Variants in LRRC20 observed in about 807,000 individuals in gnomAD.
LRRC20 encodes the protein leucine-rich repeat-containing protein 20.
In LRRC20, 11 loss-of-function variants were observed where a neutral mutation model predicts 14.4. That is an observed-to-expected ratio of 0.77 (90% CI 0.48 to 1.27). LRRC20 has a LOEUF of 1.27. LRRC20 is among the 50% of genes most tolerant of loss of function. LRRC20 has a pLI of 0.00. For missense variants in LRRC20, 219 were observed against 251.2 expected, an observed-to-expected ratio of 0.87 and a Z score of 0.87; for synonymous variants, 121 against 107.3, an observed-to-expected ratio of 1.13 and a Z score of -0.79.
Position 70,301,302 on chromosome 10 carries a change from G to T in LRRC20, c.*52C>A. 1 of 1,578,154 alleles carries T rather than the reference G, an allele frequency of 6.3e-7. No homozygotes were observed. The highest frequency in any genetic ancestry group is 2.2e-5 in the East Asian group (1 of 44,532). On this transcript the variant is annotated 3_prime_UTR_variant, in exon 5 of 5. Transcript: ENST00000446961. ...CCCATGGGCCTCCCTCCCTTCCAGG[G>T]TTCCAGGCCTGTGGCCTCTGCCCCT...
At chr10:70,321,290 A>T (rs1842067343) in intron 4 of LRRC20, among the ~76,000 whole-genome samples, 1 of 152,170 alleles carries the variant, frequency 6.6e-6, no homozygotes, top group Non-Finnish European at 1.5e-5. Context: ...CTATTTCCAT[A>T]ATGGAAGACT....
chr10:70,307,367 T>C (rs769748599), intron 4 of LRRC20, among the ~76,000 whole-genome samples: 12 of 152,220 alleles, frequency 7.9e-5, no homozygotes, highest in Non-Finnish European at 1.8e-4. Flanking sequence ...GCAAGACTGA[T>C]TGCTCTGTCA....
intron 1 of LRRC20, among the ~76,000 whole-genome samples, chr10:70,378,830 C>T (rs145060171): frequency 0.037 from 5,365 of 146,578 alleles, 147 homozygotes; most frequent in Non-Finnish European, 0.051. Context: ...CCTGTAATCC[C>T]AGCTACTCAG....
chr10:70,329,561 CTT>C (rs375932907), intron 3 of LRRC20, among the ~76,000 whole-genome samples: 3 of 124,870 alleles, frequency 2.4e-5, no homozygotes, highest in African/African-American at 3.0e-5. Flanking sequence ...CTTCTTTTGC[CTT>C]TTTTTTTTTT....
intron 2 of LRRC20, among the ~76,000 whole-genome samples, chr10:70,363,213 G>A (rs1471494893): frequency 1.4e-5 from 2 of 146,034 alleles, no homozygotes; most frequent in Admixed American, 6.9e-5. Context: ...AAGAGTTTGA[G>A]CCACTGCACT....
At chr10:70,347,081 T>C (rs2137043615) in intron 2 of LRRC20, among the ~76,000 whole-genome samples, 1 of 152,302 alleles carries the variant, frequency 6.6e-6, no homozygotes, top group African/African-American at 2.4e-5. Context: ...AGACAGTGTT[T>C]CACCATGCTG....
chr10:70,302,713 CTT>C (rs766170383), intron 4 of LRRC20, among the ~76,000 whole-genome samples: 24 of 140,066 alleles, frequency 1.7e-4, no homozygotes, highest in Admixed American at 1.4e-4. Flanking sequence ...GTCTCTATTT[CTT>C]TTTTTTTTTT....
chr10:70,330,519 A>C (rs1842498850), intron 3 of LRRC20, among the ~76,000 whole-genome samples: 2 of 152,188 alleles, frequency 1.3e-5, no homozygotes, highest in South Asian at 4.1e-4. Flanking sequence ...CACCCCTGTC[A>C]GTCACCCACT....
intron 2 of LRRC20, among the ~76,000 whole-genome samples, chr10:70,345,549 A>G (rs143800019): frequency 1.3e-5 from 2 of 152,302 alleles, no homozygotes; most frequent in East Asian, 3.9e-4. Context: ...ATGCATACAG[A>G]GTCATCTTTA....
rs977955575 is a variant in LRRC20 at position 70,301,329 on chromosome 10, G to A, written c.*25C>T. 6.2e-7 allele frequency: 1 copy of A among 1,601,426 alleles called. No homozygotes were observed. Among genetic ancestry groups the A allele is most frequent in the East Asian group, 2.2e-5 (1 of 44,740 alleles). On this transcript the variant is annotated 3_prime_UTR_variant, in exon 5 of 5. Transcript: ENST00000446961. ...TCCAGGCCTGTGGCCTCTGCCCCTT[G>A]CTGGGTGGGCATGAGGAGGGTGGCC...
chr10:70,367,501 T>C (rs1453927865), intron 2 of LRRC20, among the ~76,000 whole-genome samples: 1 of 152,124 alleles, frequency 6.6e-6, no homozygotes, highest in African/African-American at 2.4e-5. Context: ...ACCCACACCA[T>C]GTAAAGCTGT....
intron 3 of LRRC20, 47 bp downstream of exon 3, chr10:70,340,506 G>A (rs373484438): frequency 5.5e-5 from 88 of 1,610,748 alleles, no homozygotes; most frequent in Non-Finnish European, 6.5e-5. Flanking sequence ...GAGCCTGAAC[G>A]ATGAGAGCTG....
At chr10:70,303,702 G>A (rs1841298734) in intron 4 of LRRC20, among the ~76,000 whole-genome samples, 1 of 152,094 alleles carries the variant, frequency 6.6e-6, no homozygotes. Context: ...AACTGAAGAC[G>A]CAGCACAGCC....
At chr10:70,342,037 G>A (rs1023585809) in intron 2 of LRRC20, among the ~76,000 whole-genome samples, 15 of 152,042 alleles carry the variant, frequency 9.9e-5, no homozygotes, top group African/African-American at 3.4e-4. Flanking sequence ...AGTGGCTCAC[G>A]CCTGCAATCC....
At chr10:70,342,295 G>A (rs1842945174) in intron 2 of LRRC20, among the ~76,000 whole-genome samples, 1 of 151,336 alleles carries the variant, frequency 6.6e-6, no homozygotes, top group Non-Finnish European at 1.5e-5. Flanking sequence ...GGGCAACAGA[G>A]TGAGACTATC....
At chr10:70,334,640 C>A (rs1842656538) in intron 3 of LRRC20, among the ~76,000 whole-genome samples, 1 of 152,120 alleles carries the variant, frequency 6.6e-6, no homozygotes, top group South Asian at 2.1e-4. Context: ...GGGACCCACC[C>A]CGTCCTCACC....
At chr10:70,304,909 C>G (rs186412120) in intron 4 of LRRC20, among the ~76,000 whole-genome samples, 84 of 152,234 alleles carry the variant, frequency 5.5e-4, no homozygotes, top group Non-Finnish European at 7.8e-4. Context: ...GAAATGCCAG[C>G]CACGGTGGCT....
In LRRC20 at chr10:70,300,440, C is replaced by T. The variant is rs74139015; in HGVS notation, c.*914G>A. On this transcript the variant is annotated 3_prime_UTR_variant, in exon 5 of 5. Transcript: ENST00000446961. ...CTGGGAGCTGGCTGGCTACAAATCC[C>T]GTGGTCCACATCGCCTTCTGCCCCC... The T allele has an allele frequency of 3.4e-3, 3,321 of 985,562 alleles. 104 individuals carry two copies. In the African/African-American group the frequency reaches 0.053, roughly 16 times the overall value. The allele number at this position is 985,562 out of a possible 1,614,324, so 61.1% of individuals were successfully genotyped here. A position where few individuals can be genotyped will look rare whatever the true frequency, so the allele number is the denominator to read the frequency against.
chr10:70,365,053 CTTTTT>C (rs10581759), intron 2 of LRRC20, among the ~76,000 whole-genome samples: 2 of 71,424 alleles, frequency 2.8e-5, no homozygotes, highest in Non-Finnish European at 5.5e-5. Context: ...TGAGATTCAA[CTTTTT>C]TTTTTTTTTT....
Sources: allele counts gnomAD v4.1 joint callset (sites outside exome capture counted in the v4.1 genomes callset), GRCh38; gene constraint gnomAD v4.1.1; transcripts MANE v1.5; gene names NCBI Gene and HGNC (gene_info 2026-07-23, HGNC 2026-07-21).